IPCEF1: variants seen among roughly 807,000 people sequenced by gnomAD.
IPCEF1 encodes interactor protein for cytohesin exchange factors 1.
IPCEF1 carries 31 observed loss-of-function variants against 50.9 expected under a neutral mutation model. That is an observed-to-expected ratio of 0.61 (90% CI 0.46 to 0.82). The LOEUF (loss-of-function observed/expected upper bound fraction) is 0.82. IPCEF1 is among the 40% of genes least tolerant of loss of function. The pLI is 0.00. For synonymous variants in IPCEF1, 181 were observed against 192.0 expected (o/e 0.94, Z 0.47); for missense variants, 458 against 514.0 (o/e 0.89, Z 1.05).
chr6:154,216,400 C>T (rs1442772061), intron 7 of IPCEF1, among the ~76,000 whole-genome samples: 4 of 151,852 alleles, frequency 2.6e-5, no homozygotes, highest in Admixed American at 2.0e-4. Flanking sequence ...TTACAAATTT[C>T]CAAATTTGTA....
chr6:154,240,750 G>A (rs1780513039), intron 5 of IPCEF1, among the ~76,000 whole-genome samples: 1 of 152,168 alleles, frequency 6.6e-6, no homozygotes, highest in African/African-American at 2.4e-5. Context: ...AGCTAGAGAT[G>A]GAACACATCT....
rs1262889668 is a variant in IPCEF1 at position 154,159,916 on chromosome 6, C to T, written c.1229G>A (p.Arg410Gln). 6.2e-6 allele frequency: 10 copies of T among 1,613,676 alleles called. No homozygotes were observed. The highest frequency in any genetic ancestry group is 2.2e-5 in the East Asian group (1 of 44,870). ...LLIQDIYQQQRASPAPDDTDD... is the reference protein window; with the variant it reads ...LLIQDIYQQQQASPAPDDTDD... ...AGTGTCATCAGGGGCAGGCGAAGCC[C>T]GCTGCTGCTGATAGATGTCCTGGAT... is the stretch of plus-strand genomic sequence containing the variant. The change falls in exon 12 of 12, where the codon CGG (arginine) becomes CAG (glutamine). Residue 410 changes from arginine to glutamine, a missense_variant. Coordinates refer to ENST00000367220, the MANE Select transcript of IPCEF1 (RefSeq NM_001130700.2).
At chr6:154,244,301 G>GGGGTGT (rs1554298351) in intron 5 of IPCEF1, among the ~76,000 whole-genome samples, 8 of 148,062 alleles carry the variant, frequency 5.4e-5, no homozygotes, top group African/African-American at 2.0e-4. Context: ...TGTGTGGGTG[G>GGGGTGT]GTGTGTGTGT....
intron 1 of IPCEF1, among the ~76,000 whole-genome samples, chr6:154,294,823 C>T (rs1187439916): frequency 2.0e-5 from 3 of 152,098 alleles, no homozygotes; most frequent in South Asian, 4.1e-4. Flanking sequence ...AAGTCCTACA[C>T]CACCAGGAGT....
At chr6:154,196,096 G>C (rs1236170352) in intron 10 of IPCEF1, among the ~76,000 whole-genome samples, 1 of 151,916 alleles carries the variant, frequency 6.6e-6, no homozygotes, top group Non-Finnish European at 1.5e-5. Flanking sequence ...AGTCCCCCTG[G>C]TTCACATTTT....
Position 154,168,056 on chromosome 6 carries a change from T to C in IPCEF1, c.968A>G (p.Gln323Arg). The C allele has an allele frequency of 1.9e-6, 3 of 1,608,584 alleles. No individual in the cohort carries two copies. Among genetic ancestry groups the C allele is most frequent in the Non-Finnish European group, 2.6e-6 (3 of 1,175,766 alleles). The change falls in exon 11 of 12, where the codon CAA (glutamine) becomes CGA (arginine). Residue 323 changes from glutamine to arginine, a missense_variant. Gln to Arg is a conservative substitution (Grantham distance 43). Transcript: ENST00000367220. The surrounding 1 kb of genome is among the most constrained non-coding windows in gnomAD (Gnocchi z 4.1). ...GTCCCCAAGAGGAGATAGACTAGCT[T>C]GCTCTAATGATTTGTACAGCTTCTC... ...EMEKLYKSLE[Q>R]ASLSPLGDRR...
chr6:154,212,358 C>A (rs576128686), intron 9 of IPCEF1, among the ~76,000 whole-genome samples: 2 of 152,310 alleles, frequency 1.3e-5, no homozygotes, highest in Non-Finnish European at 2.9e-5. Flanking sequence ...TCTGGCTCTC[C>A]TTTTTTCTTT....
At chr6:154,194,867 C>T (rs1776457662) in intron 10 of IPCEF1, among the ~76,000 whole-genome samples, 1 of 152,040 alleles carries the variant, frequency 6.6e-6, no homozygotes, top group African/African-American at 2.4e-5. Flanking sequence ...GCCATTGATG[C>T]CAATGATCAT....
rs112387192 is a variant in IPCEF1, at chr6:154,168,628, G to A, written c.911-515C>T. Among the ~76,000 whole-genome samples, 33 of 151,606 alleles carry A rather than the reference G, an allele frequency of 2.2e-4. No individual in the cohort carries two copies. The East Asian group carries it at 4.1e-3, about 19-fold the overall frequency. On this transcript the variant is annotated intron_variant, in intron 10 of 11. Coordinates refer to ENST00000367220, the MANE Select transcript of IPCEF1 (RefSeq NM_001130700.2). This position sits in a 1 kb window ranked among gnomAD's most constrained non-coding sequence, Gnocchi z 4.1. ...ATTTTATTATTATTTTTTTTGAGAC[G>A]GAGTTTTACTGCTGTTGCCCAGGCT...
At chr6:154,307,475 T>C (rs944578480) in intron 1 of IPCEF1, among the ~76,000 whole-genome samples, 2 of 152,318 alleles carry the variant, frequency 1.3e-5, no homozygotes, top group East Asian at 3.9e-4. Context: ...GGTATGTTTT[T>C]ATCAGCAGTG....
chr6:154,199,516 T>C (rs1024868084), intron 10 of IPCEF1, 152 bp downstream of exon 10: 2 of 877,572 alleles, frequency 2.3e-6, no homozygotes, highest in African/African-American at 3.4e-5. Context: ...TGCAAACTCC[T>C]CTACAAAGCA....
intron 10 of IPCEF1, among the ~76,000 whole-genome samples, chr6:154,178,166 C>T (rs1474319899): frequency 1.3e-5 from 2 of 151,956 alleles, no homozygotes; most frequent in East Asian, 3.9e-4. Flanking sequence ...GGAGGGATAG[C>T]GTTAGGAGAA....
chr6:154,215,152 T>C (rs1583819157), intron 7 of IPCEF1, among the ~76,000 whole-genome samples: 1 of 152,166 alleles, frequency 6.6e-6, no homozygotes, highest in South Asian at 2.1e-4. Context: ...CAGTCTCCCA[T>C]GGGCAATGAA....
At chr6:154,246,236 A>T (rs75435774) in intron 5 of IPCEF1, among the ~76,000 whole-genome samples, 1,849 of 152,304 alleles carry the variant, frequency 0.012, 35 homozygotes, top group African/African-American at 0.043. Flanking sequence ...GACCTTAACT[A>T]TGTAAAGGTG....
chr6:154,163,187 G>A (rs1444511410), intron 11 of IPCEF1, among the ~76,000 whole-genome samples: 1 of 152,106 alleles, frequency 6.6e-6, no homozygotes, highest in African/African-American at 2.4e-5. Flanking sequence ...TCAATGGCTC[G>A]AGTCCCTGCT....
chr6:154,175,138 C>A (rs1210103245), intron 10 of IPCEF1, among the ~76,000 whole-genome samples: 3 of 152,158 alleles, frequency 2.0e-5, no homozygotes, highest in African/African-American at 7.2e-5. Flanking sequence ...AACAAAGACA[C>A]AACGTACCAG....
intron 1 of IPCEF1, among the ~76,000 whole-genome samples, chr6:154,321,778 T>TAAAAAAAAAAAAA (rs61648946): frequency 3.9e-5 from 2 of 51,932 alleles, no homozygotes; most frequent in African/African-American, 5.4e-5. Context: ...AGACTCTTTC[T>TAAAAAAAAAAAAA]AAAAAAAAAA....
intron 1 of IPCEF1, among the ~76,000 whole-genome samples, chr6:154,294,931 A>G (rs745370615): frequency 1.2e-3 from 186 of 152,100 alleles, no homozygotes; most frequent in Middle Eastern, 6.8e-3. Context: ...GGGCGTGGTA[A>G]CTCATGCCTG....
At chr6:154,317,231 T>C (rs1375155711) in intron 1 of IPCEF1, among the ~76,000 whole-genome samples, 1 of 151,954 alleles carries the variant, frequency 6.6e-6, no homozygotes, top group African/African-American at 2.4e-5. Flanking sequence ...AACTCGATAA[T>C]AAAATGACAA....
Sources: gnomAD v4.1 joint callset for allele counts (sites outside exome capture counted in the v4.1 genomes callset) on GRCh38, gnomAD v4.1.1 for gene constraint, Gnocchi (gnomAD v3.1) non-coding constraint, MANE v1.5 for transcripts, NCBI Gene and HGNC (gene_info 2026-07-23, HGNC 2026-07-21) for gene names.